Variants in ARHGAP10 observed in about 807,000 individuals in gnomAD.
ARHGAP10 encodes rho GTPase-activating protein 10.
A neutral mutation model predicts 108.6 loss-of-function variants in ARHGAP10; 87 were observed. That is an observed-to-expected ratio of 0.80 (90% CI 0.67 to 0.96). ARHGAP10 has a LOEUF of 0.96. Among genes scored for constraint, ARHGAP10 ranks in the 40% least tolerant of loss-of-function variants. The pLI is 0.00. For missense variants in ARHGAP10, 939 were observed against 954.5 expected, an observed-to-expected ratio of 0.98 and a Z score of 0.21; for synonymous variants, 347 against 341.1, an observed-to-expected ratio of 1.02 and a Z score of -0.19.
chr4:147,870,359 C>T (rs910037026), intron 7 of ARHGAP10, among the ~76,000 whole-genome samples: 1 of 152,186 alleles, frequency 6.6e-6, no homozygotes, highest in African/African-American at 2.4e-5. Context: ...CCGCGCCCGG[C>T]CGCATATATG....
chr4:147,753,264 C>T (rs1490908861), intron 1 of ARHGAP10, among the ~76,000 whole-genome samples: 4 of 152,142 alleles, frequency 2.6e-5, no homozygotes, highest in Non-Finnish European at 5.9e-5. Context: ...ATGCCTGCAG[C>T]GGCCACTTAG....
intron 18 of ARHGAP10, among the ~76,000 whole-genome samples, chr4:148,021,684 C>A (rs1741573495): frequency 6.6e-6 from 1 of 152,204 alleles, no homozygotes. Flanking sequence ...AACCTTCTTA[C>A]ATCTGAACAA....
chr4:147,873,681 AACACACACACACACACACAC>A (rs67852364), intron 7 of ARHGAP10, among the ~76,000 whole-genome samples: 7 of 98,748 alleles, frequency 7.1e-5, no homozygotes, highest in African/African-American at 2.5e-4. Context: ...CAAAAAACAA[AACACACACACACACACACAC>A]ACACACACAC....
At chr4:147,839,527 C>T (rs764778204) in intron 3 of ARHGAP10, among the ~76,000 whole-genome samples, 60 of 152,170 alleles carry the variant, frequency 3.9e-4, no homozygotes, top group Non-Finnish European at 7.3e-4. Context: ...CTCAGTTTTA[C>T]CTAGACTGAG....
At chr4:147,989,866 T>C (rs1035956477) in intron 18 of ARHGAP10, among the ~76,000 whole-genome samples, 1 of 152,202 alleles carries the variant, frequency 6.6e-6, no homozygotes, top group Non-Finnish European at 1.5e-5. Context: ...AGGATATTGA[T>C]TGGGGAAGTG....
chr4:147,927,986 G>T (rs1342387431), intron 13 of ARHGAP10, among the ~76,000 whole-genome samples: 1 of 152,194 alleles, frequency 6.6e-6, no homozygotes, highest in Non-Finnish European at 1.5e-5. Flanking sequence ...AGTAGCTTGG[G>T]TAGAAAGAAT....
At chr4:147,768,003 A>G (rs1014644267) in intron 1 of ARHGAP10, among the ~76,000 whole-genome samples, 3 of 152,262 alleles carry the variant, frequency 2.0e-5, no homozygotes, top group Non-Finnish European at 4.4e-5. Flanking sequence ...ATGGTGCAGT[A>G]TAAGTCTTCA....
chr4:148,067,173 G>A (rs2149693416), intron 22 of ARHGAP10, among the ~76,000 whole-genome samples: 1 of 152,348 alleles, frequency 6.6e-6, no homozygotes, highest in East Asian at 1.9e-4. Flanking sequence ...TGATTCTTTT[G>A]CAGCAGGGCA....
At chr4:147,833,251 T>C (rs1579095553) in intron 3 of ARHGAP10, among the ~76,000 whole-genome samples, 1 of 151,888 alleles carries the variant, frequency 6.6e-6, no homozygotes, top group Admixed American at 6.6e-5. Flanking sequence ...TGGTGGGAGG[T>C]GATTGGGTCA....
At chr4:148,002,214 T>G (rs1740749798) in intron 18 of ARHGAP10, among the ~76,000 whole-genome samples, 2 of 152,194 alleles carry the variant, frequency 1.3e-5, no homozygotes, top group Admixed American at 1.3e-4. Flanking sequence ...ATGGATTAAG[T>G]TTGTTGATTT....
At chr4:147,983,713 T>G (rs998209999) in intron 18 of ARHGAP10, among the ~76,000 whole-genome samples, 1 of 152,190 alleles carries the variant, frequency 6.6e-6, no homozygotes, top group Non-Finnish European at 1.5e-5. Context: ...GTTTTTGTGT[T>G]GTTTCTTGTC....
chr4:147,894,925 C>T (rs1735927149), intron 10 of ARHGAP10, among the ~76,000 whole-genome samples: 2 of 152,166 alleles, frequency 1.3e-5, no homozygotes, highest in African/African-American at 4.8e-5. Context: ...ATTACTGTGT[C>T]ATTAGTCAGG....
chr4:147,869,116 C>A (rs1354830819), intron 7 of ARHGAP10, among the ~76,000 whole-genome samples: 2 of 152,046 alleles, frequency 1.3e-5, no homozygotes, highest in Admixed American at 6.5e-5. Flanking sequence ...GAAGATAGTG[C>A]CCCTTATTTA....
intron 1 of ARHGAP10, among the ~76,000 whole-genome samples, chr4:147,807,192 C>T (rs1731822293): frequency 2.0e-5 from 3 of 151,928 alleles, no homozygotes; most frequent in Admixed American, 1.3e-4. Flanking sequence ...TCCCACCCCC[C>T]AATTCATGAA....
intron 18 of ARHGAP10, among the ~76,000 whole-genome samples, chr4:148,019,716 G>A (rs1317642443): frequency 1.3e-5 from 2 of 151,382 alleles, no homozygotes; most frequent in Non-Finnish European, 2.9e-5. Flanking sequence ...GCTGAGCCGA[G>A]ATCGCGCCAT....
At position 148,065,368 on chromosome 4, in the gene ARHGAP10, G is replaced by A. The variant is rs1320789413; in HGVS notation, c.2272+861G>A. On this transcript the variant is annotated intron_variant, in intron 22 of 22. Coordinates refer to ENST00000336498, the MANE Select transcript of ARHGAP10 (RefSeq NM_024605.4). ...AGTAATGCAGCATTTGCTGACGATTGTTTTTTAGAAAGCAAGTTGCCTCAT... is the reference window on the plus strand; with the variant it reads ...AGTAATGCAGCATTTGCTGACGATTATTTTTTAGAAAGCAAGTTGCCTCAT... 3 of 152,304 alleles carry A rather than the reference G, an allele frequency of 2.0e-5. No homozygotes were observed. In the East Asian group the frequency reaches 5.8e-4, roughly 29 times the overall value. The allele number at this position is 152,304 out of a possible 1,614,324, so 9.4% of individuals were successfully genotyped here.
chr4:147,981,995 G>A (rs1465248316), intron 18 of ARHGAP10, among the ~76,000 whole-genome samples: 1 of 152,188 alleles, frequency 6.6e-6, no homozygotes, highest in East Asian at 1.9e-4. Context: ...CAGAAGGACG[G>A]ATCTTGGTTT....
At chr4:147,736,756 A>C (rs1728433411) in intron 1 of ARHGAP10, among the ~76,000 whole-genome samples, 1 of 152,230 alleles carries the variant, frequency 6.6e-6, no homozygotes, top group African/African-American at 2.4e-5. Flanking sequence ...CTGTTAAAGC[A>C]GTCAGGGTTA....
chr4:148,035,151 T>C (rs1009968494), intron 19 of ARHGAP10, among the ~76,000 whole-genome samples: 1 of 152,238 alleles, frequency 6.6e-6, no homozygotes, highest in African/African-American at 2.4e-5. Context: ...TGATTGGTTT[T>C]AACAGCTGAT....
Sources: allele counts gnomAD v4.1 joint callset (sites outside exome capture counted in the v4.1 genomes callset), GRCh38; gene constraint gnomAD v4.1.1; transcripts MANE v1.5; gene names NCBI Gene and HGNC (gene_info 2026-07-23, HGNC 2026-07-21).